The following CA10 variants were observed in gnomAD, a reference collection of about 807,000 sequenced individuals.
CA10 encodes the protein carbonic anhydrase 10 (inactive).
In CA10, 14 loss-of-function variants were observed where a neutral mutation model predicts 44.2. The observed-to-expected ratio is 0.32, with a 90% CI of 0.21 to 0.50. The LOEUF is 0.50. CA10 is among the 20% of genes least tolerant of loss of function. The probability of loss-of-function intolerance (pLI) is 0.99; values close to 1 mark genes in which losing one functional copy is unlikely to be tolerated. For synonymous variants in CA10, 159 were observed against 141.6 expected, an observed-to-expected ratio of 1.12 and a Z score of -0.87; for missense variants, 350 against 409.7, an observed-to-expected ratio of 0.85 and a Z score of 1.26.
intron 3 of CA10, among the ~76,000 whole-genome samples, chr17:51,792,164 C>T (rs1052815282): frequency 1.3e-5 from 2 of 152,134 alleles, no homozygotes; most frequent in Non-Finnish European, 2.9e-5. Context: ...ATTACTTTCT[C>T]GGTTTTACCA....
At chr17:52,116,656 T>G (rs1988904460) in intron 1 of CA10, among the ~76,000 whole-genome samples, 1 of 152,152 alleles carries the variant, frequency 6.6e-6, no homozygotes, top group African/African-American at 2.4e-5. Context: ...GGACCAGGGG[T>G]GCCTGTTACC....
intron 1 of CA10, among the ~76,000 whole-genome samples, chr17:52,119,306 C>A (rs978113542): frequency 1.8e-4 from 27 of 152,052 alleles, no homozygotes; most frequent in African/African-American, 6.5e-4. Flanking sequence ...TCTTTTGCAA[C>A]AGAATGCAAG....
intron 3 of CA10, among the ~76,000 whole-genome samples, chr17:51,816,772 A>G (rs1907577737): frequency 6.6e-6 from 1 of 152,202 alleles, no homozygotes; most frequent in Non-Finnish European, 1.5e-5. Flanking sequence ...AATTTGTTGT[A>G]TATTTTATTC....
chr17:51,863,469 T>G (rs1979406209), intron 3 of CA10, among the ~76,000 whole-genome samples: 1 of 152,196 alleles, frequency 6.6e-6, no homozygotes, highest in South Asian at 2.1e-4. Context: ...TGGGTGAATG[T>G]GATTTTCTTT....
chr17:51,951,537 C>G (rs1349072296), intron 2 of CA10, among the ~76,000 whole-genome samples: 4 of 152,112 alleles, frequency 2.6e-5, no homozygotes, highest in Non-Finnish European at 5.9e-5. Context: ...TCCCTTACAG[C>G]AAAGAGCTAA....
At chr17:51,641,183 T>C (rs917161879) in intron 6 of CA10, among the ~76,000 whole-genome samples, 27 of 150,366 alleles carry the variant, frequency 1.8e-4, no homozygotes, top group Non-Finnish European at 3.0e-5. Flanking sequence ...CTCTCTCTCA[T>C]ATCTCTATCA....
At chr17:52,010,358 A>G (rs188419830) in intron 2 of CA10, among the ~76,000 whole-genome samples, 281 of 152,160 alleles carry the variant, frequency 1.8e-3, no homozygotes, top group Non-Finnish European at 2.8e-3. Context: ...CCAAATGCCC[A>G]TCAATCAATG....
chr17:52,065,294 T>C (rs1436045615), intron 2 of CA10, among the ~76,000 whole-genome samples: 3 of 152,254 alleles, frequency 2.0e-5, no homozygotes, highest in African/African-American at 7.2e-5. Flanking sequence ...TTATAGCATG[T>C]ACTACAGATT....
chr17:52,047,316 A>G (rs1260503981), intron 2 of CA10, among the ~76,000 whole-genome samples: 2 of 152,056 alleles, frequency 1.3e-5, no homozygotes, highest in Non-Finnish European at 2.9e-5. Context: ...CCTCTACTAC[A>G]ATGAGGCACA....
chr17:52,001,891 G>C (rs1239395683), intron 2 of CA10, among the ~76,000 whole-genome samples: 1 of 151,920 alleles, frequency 6.6e-6, no homozygotes, highest in Non-Finnish European at 1.5e-5. Flanking sequence ...CATTGTGCTG[G>C]AGAGCTCAGG....
chr17:51,888,337 T>G (rs966008445), intron 3 of CA10, among the ~76,000 whole-genome samples: 1 of 152,232 alleles, frequency 6.6e-6, no homozygotes, highest in Non-Finnish European at 1.5e-5. Context: ...AAATATCATC[T>G]TTTACTGAAC....
chr17:51,829,163 G>C (rs186628190), intron 3 of CA10, among the ~76,000 whole-genome samples: 1 of 152,172 alleles, frequency 6.6e-6, no homozygotes, highest in Non-Finnish European at 1.5e-5. Context: ...TGTACTGTTT[G>C]GTTGTTTACA....
intron 2 of CA10, among the ~76,000 whole-genome samples, chr17:52,030,640 GA>G (rs1986437788): frequency 1.3e-5 from 2 of 152,144 alleles, no homozygotes; most frequent in Non-Finnish European, 2.9e-5. Flanking sequence ...TTTTTCCAAG[GA>G]GATTAGCATG....
At chr17:52,047,677 G>A (rs966531588) in intron 2 of CA10, among the ~76,000 whole-genome samples, 10 of 151,916 alleles carry the variant, frequency 6.6e-5, no homozygotes, top group African/African-American at 2.4e-4. Context: ...ATTTTTTGCA[G>A]CTTTCCTTCC....
intron 1 of CA10, among the ~76,000 whole-genome samples, chr17:52,129,377 T>C (rs1024445787): frequency 6.6e-6 from 1 of 152,204 alleles, no homozygotes; most frequent in Non-Finnish European, 1.5e-5. Context: ...ACTTATTGAG[T>C]GCAGAATGCT....
rs58125304 is a variant in CA10 at position 51,891,164 on chromosome 17, G to A, written c.279+39826C>T. ...TCTACTACTACGCATTCATTACCAC[G>A]GAGACACTAAGGATCCACCGGGCCA... On this transcript the variant is annotated intron_variant, in intron 3 of 8. Transcript: ENST00000451037. 2.8e-3 allele frequency among the ~76,000 whole-genome samples: 424 copies of A among 152,262 alleles called. 4 individuals are homozygous for A. Among genetic ancestry groups the A allele is most frequent in the African/African-American group, 9.7e-3 (404 of 41,570 alleles).
chr17:51,847,630 A>G (rs1978553675), intron 3 of CA10, among the ~76,000 whole-genome samples: 1 of 152,202 alleles, frequency 6.6e-6, no homozygotes, highest in Non-Finnish European at 1.5e-5. Context: ...CAGCAGGAAC[A>G]TGGTACATAA....
chr17:51,710,807 C>G (rs76510397), intron 4 of CA10, among the ~76,000 whole-genome samples: 7,468 of 152,002 alleles, frequency 0.049, 308 homozygotes, highest in African/African-American at 0.088. Context: ...GGGGCTGGCT[C>G]CGCGATTTCA....
At chr17:52,020,556 T>G (rs1986105229) in intron 2 of CA10, among the ~76,000 whole-genome samples, 1 of 152,050 alleles carries the variant, frequency 6.6e-6, no homozygotes, top group African/African-American at 2.4e-5. Flanking sequence ...GTCTTTACAC[T>G]GAAAGGATAA....
Sources: allele counts gnomAD v4.1 joint callset (sites outside exome capture counted in the v4.1 genomes callset), GRCh38; gene constraint gnomAD v4.1.1; transcripts MANE v1.5; gene names NCBI Gene and HGNC (gene_info 2026-07-23, HGNC 2026-07-21).